The following EIF3D variants were observed in gnomAD, a reference collection of about 807,000 sequenced individuals.
EIF3D encodes the protein eukaryotic translation initiation factor 3 subunit D.
A neutral mutation model predicts 75.4 loss-of-function variants in EIF3D; 10 were observed. That is an observed-to-expected ratio of 0.13 (90% CI 0.08 to 0.22). The LOEUF (loss-of-function observed/expected upper bound fraction) is 0.22, where lower values mean the gene tolerates loss of function less well. EIF3D is among the 10% of genes least tolerant of loss of function. The pLI is 1.00. For missense variants in EIF3D, 394 were observed against 708.0 expected, an observed-to-expected ratio of 0.56 and a Z score of 5.03; for synonymous variants, 246 against 248.3, an observed-to-expected ratio of 0.99 and a Z score of 0.09.
intron 10 of EIF3D, 89 bp downstream of exon 10, chr22:36,517,212 C>A: frequency 6.3e-7 from 1 of 1,584,370 alleles, no homozygotes; most frequent in Non-Finnish European, 8.6e-7. Context: ...CTCAGTCCCA[C>A]AACCAAGAGC....
chr22:36,515,797 G>A (rs1253745301), intron 12 of EIF3D, among the ~76,000 whole-genome samples: 2 of 149,922 alleles, frequency 1.3e-5, no homozygotes, highest in Non-Finnish European at 3.0e-5. Flanking sequence ...CGACGGCCCT[G>A]AATGCTTTGG....
intron 7 of EIF3D, 130 bp downstream of exon 7, chr22:36,520,446 C>T (rs985566314): frequency 6.5e-6 from 4 of 616,740 alleles, no homozygotes; most frequent in African/African-American, 5.7e-5. Context: ...CTCTGTTAAC[C>T]TTATGAAATG....
In EIF3D at chr22:36,523,992, C is replaced by A. The variant is rs376193132; in HGVS notation, c.307-12G>T. The A allele has an allele frequency of 6.2e-7, 1 of 1,613,768 alleles. No individual in the cohort carries two copies. Among genetic ancestry groups the A allele is most frequent in the Non-Finnish European group, 8.5e-7 (1 of 1,179,852 alleles). Reference sequence around the variant, plus strand: ...CTGCGGAGGTTCCTCTGGGCATCAGCAAGAAACATCCATGTTAAAATCTTG... The same window carrying A: ...CTGCGGAGGTTCCTCTGGGCATCAGAAAGAAACATCCATGTTAAAATCTTG... On this transcript the variant is annotated splice_polypyrimidine_tract_variant and intron_variant, in intron 4 of 14. Coordinates refer to ENST00000216190, the MANE Select transcript of EIF3D (RefSeq NM_003753.4).
chr22:36,520,658 T>C lies in EIF3D; in HGVS notation c.496A>G (p.Ser166Gly). 6.2e-7 allele frequency: 1 copy of C among 1,613,180 alleles called. No individual in the cohort carries two copies. The highest frequency in any genetic ancestry group is 1.1e-5 in the South Asian group (1 of 91,068). Reference protein sequence around the residue: ...KPRDSSVEVRSDWEVKEEMDF... With the variant: ...KPRDSSVEVRGDWEVKEEMDF... Reference sequence around the variant, plus strand: ...ATTTCCTCTTTCACTTCCCAATCACTACGAACTTCAACTGAAGAGTCTCGG... The same window carrying C: ...ATTTCCTCTTTCACTTCCCAATCACCACGAACTTCAACTGAAGAGTCTCGG... The change falls in exon 7 of 15, where the codon AGT becomes GGT. Residue 166 changes from serine (S) to glycine (G), a missense_variant. By Grantham distance (56) the Ser-to-Gly change is moderately conservative. Coordinates refer to ENST00000216190, the MANE Select transcript of EIF3D (RefSeq NM_003753.4).
Position 36,517,411 on chromosome 22 carries a change from TCTCA to T in EIF3D, c.876_879del (p.Ser292ArgfsTer36). 6.2e-7 allele frequency: 1 copy of T among 1,612,896 alleles called. No homozygotes were observed. Among genetic ancestry groups the T allele is most frequent in the Non-Finnish European group, 8.5e-7 (1 of 1,179,594 alleles). On this transcript the variant is annotated frameshift_variant, in exon 10 of 15. Transcript: ENST00000216190. LOFTEE classifies it high-confidence loss of function. ...TCATCTTGAGGGGGCTCATTGGCAG[TCTCA>T]CTCACTGTCAGGAGGTCTGCAAAAG...
intron 1 of EIF3D, 33 bp downstream of exon 1, chr22:36,529,043 G>A (rs1934657140): frequency 2.6e-6 from 1 of 377,630 alleles, no homozygotes; most frequent in East Asian, 3.8e-5. Context: ...CGGCTCCGGA[G>A]GGCCGCAGGA....
intron 12 of EIF3D, among the ~76,000 whole-genome samples, chr22:36,515,168 A>G (rs1407332690): frequency 6.6e-6 from 1 of 152,206 alleles, no homozygotes; most frequent in Non-Finnish European, 1.5e-5. Context: ...CAGTGTGACA[A>G]TGGACTAATA....
intron 12 of EIF3D, among the ~76,000 whole-genome samples, chr22:36,515,006 G>C (rs1475163508): frequency 6.6e-6 from 1 of 152,124 alleles, no homozygotes; most frequent in Non-Finnish European, 1.5e-5. Flanking sequence ...TCCTGCTCTG[G>C]CCATGATGTG....
chr22:36,512,966 T>C (rs747222260), intron 12 of EIF3D: 248 of 173,324 alleles, frequency 1.4e-3, no homozygotes, highest in Non-Finnish European at 1.7e-3. Flanking sequence ...CGTGTAACAG[T>C]GAGCCAAGTG....
rs953564961 is a variant in EIF3D, at chr22:36,513,308, C to CT, written c.1207-707dup. ...CAAGAATTTCTTTTAAATTTTTTTTCTTTTTTTTTTTGAGACGGAGTTTTG... is the reference window on the plus strand; with the variant it reads ...CAAGAATTTCTTTTAAATTTTTTTTCTTTTTTTTTTTTGAGACGGAGTTTTG... On this transcript the variant is annotated intron_variant, in intron 12 of 14. Transcript: ENST00000216190. Among the ~76,000 whole-genome samples, 237 of 146,972 alleles carry CT rather than the reference C, an allele frequency of 1.6e-3. 1 individual carries two copies. The highest frequency in any genetic ancestry group is 3.7e-3 in the African/African-American group (148 of 40,340).
At chr22:36,517,851 G>A (rs549251233) in intron 9 of EIF3D, among the ~76,000 whole-genome samples, 5 of 152,136 alleles carry the variant, frequency 3.3e-5, no homozygotes, top group Admixed American at 2.6e-4. Context: ...GGGTTCAAGC[G>A]ATTCTCCTGC....
chr22:36,524,472 G>A, intron 4 of EIF3D, 124 bp downstream of exon 4: 2 of 1,392,872 alleles, frequency 1.4e-6, no homozygotes, highest in Non-Finnish European at 9.8e-7. Flanking sequence ...GGTGACCCGA[G>A]ATTCACGAAA....
rs200608412 is a variant in EIF3D at position 36,511,019 on chromosome 22, G to T, written c.1634-19C>A. ...TCTTCCTCTGAAAGACACAAAAAAT[G>T]TAAGAGAAATGAGCCAGGTTGTGTG... On this transcript the variant is annotated intron_variant, in intron 14 of 14. Coordinates refer to ENST00000216190, the MANE Select transcript of EIF3D (RefSeq NM_003753.4). 3.8e-5 allele frequency: 61 copies of T among 1,606,616 alleles called. No homozygotes were observed. The highest frequency in any genetic ancestry group is 4.4e-5 in the Non-Finnish European group (52 of 1,177,602).
chr22:36,512,229 T>A (rs865932345), intron 13 of EIF3D, among the ~76,000 whole-genome samples: 1 of 152,194 alleles, frequency 6.6e-6, no homozygotes, highest in African/African-American at 2.4e-5. Flanking sequence ...AACATCGTCT[T>A]CTGAGTTCTC....
chr22:36,525,981 C>T lies in EIF3D; in HGVS notation c.123+18G>A. On this transcript the variant is annotated intron_variant, in intron 2 of 14. Transcript: ENST00000216190. Reference sequence around the variant, plus strand: ...GCCACAGCTGCAAAGATTCAGACTCCTGCTGACAGGCATGTACCTTTCCTA... The same window carrying T: ...GCCACAGCTGCAAAGATTCAGACTCTTGCTGACAGGCATGTACCTTTCCTA... 6 of 1,593,600 alleles carry T rather than the reference C, an allele frequency of 3.8e-6. No individual in the cohort carries two copies. The highest frequency in any genetic ancestry group is 5.1e-6 in the Non-Finnish European group (6 of 1,170,080).
intron 1 of EIF3D, 40 bp from the exon 2 acceptor site, chr22:36,526,171 G>A: frequency 6.4e-7 from 1 of 1,550,828 alleles, no homozygotes; most frequent in Non-Finnish European, 8.7e-7. Flanking sequence ...CATGAACGAA[G>A]GCCTCAGAGT....
chr22:36,528,949 C>T (rs1934654164), intron 1 of EIF3D, 127 bp downstream of exon 1: 1 of 231,954 alleles, frequency 4.3e-6, no homozygotes, highest in Admixed American at 5.7e-5. Flanking sequence ...TCCTGCCCCG[C>T]CCAGCGGAGG....
intron 2 of EIF3D, 68 bp from the exon 3 acceptor site, chr22:36,525,777 C>T: frequency 6.3e-7 from 1 of 1,581,762 alleles, no homozygotes; most frequent in Non-Finnish European, 8.6e-7. Context: ...AACCAGAAAT[C>T]CCTGAGCGCG....
chr22:36,517,568 C>A, intron 9 of EIF3D, 137 bp from the exon 10 acceptor site: 1 of 1,031,356 alleles, frequency 9.7e-7, no homozygotes, highest in Non-Finnish European at 1.3e-6. Flanking sequence ...AGTGGGTCTC[C>A]CTGGTGTGGA....
Sources: gnomAD v4.1 joint callset for allele counts (sites outside exome capture counted in the v4.1 genomes callset) on GRCh38, gnomAD v4.1.1 for gene constraint, MANE v1.5 for transcripts, NCBI Gene and HGNC (gene_info 2026-07-23, HGNC 2026-07-21) for gene names.